L3MBTL4: variants seen among roughly 807,000 people sequenced by gnomAD.
The protein encoded by L3MBTL4 is lethal(3)malignant brain tumor-like protein 4.
Under a neutral mutation model 84.5 loss-of-function variants are expected in L3MBTL4, and 70 were observed. That is an observed-to-expected ratio of 0.83 (90% CI 0.68 to 1.01). L3MBTL4 has a LOEUF of 1.01. Ranked by LOEUF, L3MBTL4 falls within the 50% of genes least tolerant of loss-of-function variation. The probability of loss-of-function intolerance (pLI) is 0.00; values close to 1 mark genes in which losing one functional copy is unlikely to be tolerated. For missense variants in L3MBTL4, 715 were observed against 754.8 expected, an observed-to-expected ratio of 0.95 and a Z score of 0.62; for synonymous variants, 274 against 259.8, an observed-to-expected ratio of 1.05 and a Z score of -0.52.
chr18:6,108,692 T>C (rs2059093285), intron 14 of L3MBTL4, among the ~76,000 whole-genome samples: 1 of 152,164 alleles, frequency 6.6e-6, no homozygotes, highest in Admixed American at 6.5e-5. Flanking sequence ...TCTCCTCCTC[T>C]GGGCCTTCTG....
At chr18:6,338,058 A>C (rs907365130) in intron 1 of L3MBTL4, among the ~76,000 whole-genome samples, 1 of 152,120 alleles carries the variant, frequency 6.6e-6, no homozygotes. Context: ...GAATTTTATA[A>C]CAATGAATAT....
chr18:5,994,327 G>A (rs2053846237), intron 16 of L3MBTL4, among the ~76,000 whole-genome samples: 1 of 152,142 alleles, frequency 6.6e-6, no homozygotes, highest in Non-Finnish European at 1.5e-5. Flanking sequence ...TCAGTGTCTG[G>A]TTTAATGCTT....
intron 11 of L3MBTL4, among the ~76,000 whole-genome samples, chr18:6,214,148 T>C (rs1277757360): frequency 6.6e-6 from 1 of 152,190 alleles, no homozygotes; most frequent in Non-Finnish European, 1.5e-5. Flanking sequence ...CTTTTGTCAT[T>C]TCATCTGTAA....
chr18:6,201,342 C>T (rs2045640606), intron 12 of L3MBTL4, among the ~76,000 whole-genome samples: 1 of 152,076 alleles, frequency 6.6e-6, no homozygotes, highest in Non-Finnish European at 1.5e-5. Flanking sequence ...GGCAATTTTA[C>T]CATGAGTTTC....
intron 1 of L3MBTL4, among the ~76,000 whole-genome samples, chr18:6,401,793 G>A: frequency 6.6e-6 from 1 of 152,168 alleles, no homozygotes; most frequent in East Asian, 1.9e-4. Flanking sequence ...AGGCTAACGT[G>A]GGCACAAAGG....
intron 16 of L3MBTL4, among the ~76,000 whole-genome samples, chr18:6,036,196 T>C (rs1321030204): frequency 1.3e-5 from 2 of 152,226 alleles, no homozygotes; most frequent in African/African-American, 2.4e-5. Context: ...ATTGAGCTTC[T>C]TGGATGTTTA....
rs547027425 is a variant in L3MBTL4, at chr18:6,040,535, G to A, written c.1444+40346C>T. On this transcript the variant is annotated intron_variant, in intron 16 of 18. Transcript: ENST00000317931. The stretch of plus-strand genomic sequence containing the variant: ...TACTGCAAACAATTACTGAGTACCT[G>A]CCGTGGGTCTGTATATACAAAGATA... 6.2e-4 allele frequency among the ~76,000 whole-genome samples: 94 copies of A among 152,268 alleles called. 4 individuals are homozygous for A. The South Asian group carries it at 0.019, about 30-fold the overall frequency.
chr18:6,407,314 T>C (rs1436559095), intron 1 of L3MBTL4, among the ~76,000 whole-genome samples: 1 of 152,198 alleles, frequency 6.6e-6, no homozygotes, highest in Non-Finnish European at 1.5e-5. Flanking sequence ...TAAGCTGAAT[T>C]GCATGTGTGA....
chr18:6,108,783 G>C (rs1162126725), intron 14 of L3MBTL4, among the ~76,000 whole-genome samples: 3 of 151,816 alleles, frequency 2.0e-5, no homozygotes, highest in Non-Finnish European at 4.4e-5. Flanking sequence ...AAAAATCTTT[G>C]AAAAAGAAAC....
chr18:6,068,168 T>C (rs965528828), intron 16 of L3MBTL4, among the ~76,000 whole-genome samples: 11 of 152,148 alleles, frequency 7.2e-5, no homozygotes, highest in African/African-American at 2.2e-4. Context: ...TCCTGTAGGG[T>C]TGGAATGGCT....
At chr18:6,323,057 G>T (rs1009514634) in intron 1 of L3MBTL4, among the ~76,000 whole-genome samples, 1 of 152,154 alleles carries the variant, frequency 6.6e-6, no homozygotes, top group Admixed American at 6.5e-5. Context: ...TCCTGCTCCA[G>T]CTATGTAAGT....
intron 16 of L3MBTL4, among the ~76,000 whole-genome samples, chr18:6,067,822 T>C (rs2057449558): frequency 6.6e-6 from 1 of 152,218 alleles, no homozygotes; most frequent in Admixed American, 6.5e-5. Flanking sequence ...GATCCATTGC[T>C]GAAAGCTAGT....
chr18:6,081,041 C>T, intron 15 of L3MBTL4, 90 bp from the exon 16 acceptor site: 2 of 893,204 alleles, frequency 2.2e-6, no homozygotes, highest in South Asian at 1.8e-5. Flanking sequence ...ATAGAAACTG[C>T]AGGGTAAACA....
intron 4 of L3MBTL4, among the ~76,000 whole-genome samples, chr18:6,270,671 T>C (rs770082831): frequency 3.4e-4 from 51 of 151,600 alleles, no homozygotes; most frequent in Non-Finnish European, 6.2e-4. Flanking sequence ...GCCAGGAGAG[T>C]GGAAAGAAAG....
At chr18:5,963,238 T>C (rs1295074887) in intron 17 of L3MBTL4, among the ~76,000 whole-genome samples, 2 of 152,224 alleles carry the variant, frequency 1.3e-5, no homozygotes, top group East Asian at 3.9e-4. Context: ...CAAAGGACTG[T>C]TCACAGCAGA....
At chr18:5,980,430 CTTTTTTTT>C (rs10664833) in intron 16 of L3MBTL4, among the ~76,000 whole-genome samples, 1 of 123,048 alleles carries the variant, frequency 8.1e-6, no homozygotes, top group Non-Finnish European at 1.6e-5. Flanking sequence ...TTAGTTTGCG[CTTTTTTTT>C]TTTTTTTTTT....
chr18:6,279,621 C>A (rs1019945114), intron 4 of L3MBTL4, among the ~76,000 whole-genome samples: 2 of 152,122 alleles, frequency 1.3e-5, no homozygotes, highest in South Asian at 2.1e-4. Flanking sequence ...TAACTGATTT[C>A]TCCCTTGCCA....
At chr18:6,166,919 T>C (rs1447610529) in intron 13 of L3MBTL4, among the ~76,000 whole-genome samples, 7 of 152,056 alleles carry the variant, frequency 4.6e-5, no homozygotes, top group African/African-American at 1.7e-4. Flanking sequence ...ACAAAATTGA[T>C]AGACCGCTAG....
At chr18:6,213,853 A>C (rs1297457397) in intron 11 of L3MBTL4, among the ~76,000 whole-genome samples, 1 of 152,242 alleles carries the variant, frequency 6.6e-6, no homozygotes, top group Admixed American at 6.5e-5. Flanking sequence ...AAATTTGTTA[A>C]TGATTACACT....
Sources: allele counts gnomAD v4.1 joint callset (sites outside exome capture counted in the v4.1 genomes callset), GRCh38; gene constraint gnomAD v4.1.1; transcripts MANE v1.5; gene names NCBI Gene and HGNC (gene_info 2026-07-23, HGNC 2026-07-21).